The following RTL4 variants were observed in gnomAD, a reference collection of about 807,000 sequenced individuals.
RTL4 encodes the protein retrotransposon Gag like 4.
In RTL4, 4 loss-of-function variants were observed where a neutral mutation model predicts 5.3. That is an observed-to-expected ratio of 0.75 (90% confidence interval 0.37 to 1.72). The LOEUF (loss-of-function observed/expected upper bound fraction) is 1.72. RTL4 is among the 40% of genes most tolerant of loss of function. The pLI, the probability that RTL4 is intolerant of heterozygous loss-of-function variation, is 0.04. For synonymous variants in RTL4, 98 were observed against 87.3 expected (o/e 1.12, Z -0.68); for missense variants, 260 against 227.1 (o/e 1.14, Z -0.93).
chrX:112,378,517 C>T, the RTL4 span, among the ~76,000 whole-genome samples: 3 of 111,702 alleles, frequency 2.7e-5, no homozygotes, highest in South Asian at 1.1e-3. Context: ...AAGAAAGAGG[C>T]ATGTGATATA....
the RTL4 span, among the ~76,000 whole-genome samples, chrX:112,084,172 G>A: frequency 6.3e-5 from 7 of 110,934 alleles, no homozygotes; most frequent in African/African-American, 2.3e-4. Context: ...TTTTCATTGC[G>A]GAGCCTGTGA....
At chrX:112,194,045 C>A in the RTL4 span, among the ~76,000 whole-genome samples, 1 of 111,809 alleles carries the variant, frequency 8.9e-6, no homozygotes, top group Non-Finnish European at 1.9e-5. Flanking sequence ...TGAATCCAGA[C>A]TGATACTGAT....
the RTL4 span, among the ~76,000 whole-genome samples, chrX:112,160,954 G>A: frequency 9.0e-6 from 1 of 110,819 alleles, no homozygotes; most frequent in Non-Finnish European, 1.9e-5. Context: ...ATGATAAATA[G>A]GAGTGAATAA....
At chrX:112,111,049 C>G in the RTL4 span, among the ~76,000 whole-genome samples, 1 of 111,999 alleles carries the variant, frequency 8.9e-6, no homozygotes, top group African/African-American at 3.2e-5. Context: ...CTTCAATTAT[C>G]AATTAATAGG....
At chrX:112,442,978 C>T in the RTL4 span, among the ~76,000 whole-genome samples, 1 of 110,879 alleles carries the variant, frequency 9.0e-6, no homozygotes, top group African/African-American at 3.3e-5. Context: ...ACAGTCACAC[C>T]GTGTGCTATC....
At chrX:112,294,849 T>A in the RTL4 span, among the ~76,000 whole-genome samples, 2 of 111,558 alleles carry the variant, frequency 1.8e-5, no homozygotes, top group Non-Finnish European at 3.8e-5. Flanking sequence ...GATCTGACCA[T>A]TGAATGATAG....
At chrX:112,328,630 A>T in the RTL4 span, among the ~76,000 whole-genome samples, 60 of 111,813 alleles carry the variant, frequency 5.4e-4, no homozygotes, top group Non-Finnish European at 9.6e-4. Flanking sequence ...ATACCCAGGA[A>T]TTGAACTCAG....
chrX:112,155,683 G>T, the RTL4 span, among the ~76,000 whole-genome samples: 1 of 111,507 alleles, frequency 9.0e-6, no homozygotes, highest in African/African-American at 3.3e-5. Context: ...TTTTAACTGA[G>T]ATTCAGCCAC....
the RTL4 span, among the ~76,000 whole-genome samples, chrX:112,393,087 C>T: frequency 9.0e-6 from 1 of 110,744 alleles, no homozygotes. Context: ...GGATTGGGGG[C>T]CCGCTTATAA....
At chrX:112,128,195 G>C in the RTL4 span, among the ~76,000 whole-genome samples, 1 of 111,532 alleles carries the variant, frequency 9.0e-6, no homozygotes, top group South Asian at 3.8e-4. Context: ...AATCAAAACA[G>C]TGTGGTACTG....
the RTL4 span, among the ~76,000 whole-genome samples, chrX:112,353,292 A>G: frequency 9.0e-6 from 1 of 111,376 alleles, no homozygotes; most frequent in Non-Finnish European, 1.9e-5. Flanking sequence ...TCAGGGATCT[A>G]GAACTAGAAA....
chrX:112,281,344 T>G, the RTL4 span, among the ~76,000 whole-genome samples: 613 of 112,279 alleles, frequency 5.5e-3, 5 homozygotes, highest in African/African-American at 0.019. Flanking sequence ...GGCTGAATAG[T>G]ATTTCAATGT....
At chrX:112,110,764 C>T in the RTL4 span, among the ~76,000 whole-genome samples, 2 of 112,026 alleles carry the variant, frequency 1.8e-5, no homozygotes, top group Non-Finnish European at 3.8e-5. Flanking sequence ...GGCAGCTTTC[C>T]TAACTCTGCT....
the RTL4 span, among the ~76,000 whole-genome samples, chrX:112,417,304 A>G: frequency 8.9e-6 from 1 of 112,135 alleles, no homozygotes; most frequent in African/African-American, 3.2e-5. Flanking sequence ...ATATTGTGGC[A>G]AAACTATACT....
the RTL4 span, among the ~76,000 whole-genome samples, chrX:112,266,196 T>C: frequency 9.0e-6 from 1 of 110,946 alleles, no homozygotes; most frequent in Non-Finnish European, 1.9e-5. Context: ...GCAGACTTAA[T>C]TGAAAGGAAA....
the RTL4 span, among the ~76,000 whole-genome samples, chrX:112,393,156 T>TTG: frequency 3.1e-5 from 3 of 96,495 alleles, no homozygotes; most frequent in African/African-American, 1.5e-4. Flanking sequence ...TCTTTTTTTT[T>TTG]TTTTGTTTTT....
exon 1 of RTL4, chrX:112,455,535 C>T (rs758791965): frequency 7.4e-6 from 9 of 1,211,493 alleles, no homozygotes; most frequent in Non-Finnish European, 1.0e-5. Context: ...TCACCCCAGC[C>T]AAACGAGCCC....
the RTL4 span, among the ~76,000 whole-genome samples, chrX:112,385,249 C>G: frequency 1.8e-5 from 2 of 110,195 alleles, no homozygotes; most frequent in African/African-American, 6.6e-5. Flanking sequence ...AGATTATGCA[C>G]TTGAAGAAAC....
At chrX:112,208,979 T>G in the RTL4 span, among the ~76,000 whole-genome samples, 1 of 112,245 alleles carries the variant, frequency 8.9e-6, no homozygotes. Flanking sequence ...CCTTGGTGGG[T>G]GGAAGTCCAT....
Sources: allele counts gnomAD v4.1 joint callset (sites outside exome capture counted in the v4.1 genomes callset), GRCh38; gene constraint gnomAD v4.1.1; transcripts MANE v1.5; gene names NCBI Gene and HGNC (gene_info 2026-07-23, HGNC 2026-07-21).